Variants in NUF2 observed in about 807,000 individuals in gnomAD.
NUF2 encodes the protein NUF2 component of NDC80 kinetochore complex, also known as kinetochore protein Nuf2.
Under a neutral mutation model 61.8 loss-of-function variants are expected in NUF2, and 34 were observed. The ratio of observed to expected loss-of-function variants is 0.55; its 90% CI spans 0.42 to 0.73. The LOEUF is 0.73. NUF2 is among the 30% of genes least tolerant of loss of function. The pLI is 0.00. For missense variants in NUF2, 445 were observed against 539.1 expected, an observed-to-expected ratio of 0.83 and a Z score of 1.73; for synonymous variants, 172 against 181.6, an observed-to-expected ratio of 0.95 and a Z score of 0.42.
rs117211080 is a variant in NUF2 at position 163,328,029 on chromosome 1, A to C, written c.199-199A>C. ...AATGCTAACCTTATTCCATTTTTAAAATTCATTTAAAAATCTTTATTAAGC... is the reference window on the plus strand; with the variant it reads ...AATGCTAACCTTATTCCATTTTTAACATTCATTTAAAAATCTTTATTAAGC... On this transcript the variant is annotated intron_variant, in intron 3 of 13. Coordinates refer to ENST00000271452, the MANE Select transcript of NUF2 (RefSeq NM_145697.3). 8.4e-4 allele frequency: 364 copies of C among 434,440 alleles called. 1 individual carries two copies. The East Asian group carries it at 0.011, about 14-fold the overall frequency. The allele number at this position is 434,440 out of a possible 1,614,324, so 26.9% of individuals were successfully genotyped here.
Position 163,355,217 on chromosome 1 carries a change from A to G in NUF2, c.1261-118A>G, listed in dbSNP as rs1409115080. 14 of 745,202 alleles carry G rather than the reference A, an allele frequency of 1.9e-5. No individual in the cohort carries two copies. The South Asian group carries it at 2.5e-4, about 13-fold the overall frequency. 46.2% of individuals were successfully genotyped at this position (745,202 alleles called of 1,614,324 possible). A position where few individuals can be genotyped will look rare whatever the true frequency, so the allele number is the denominator to read the frequency against. On this transcript the variant is annotated intron_variant, in intron 13 of 13. Transcript: ENST00000271452. ...TAGACATGCACATTTGTGTGTGTGC[A>G]TAAGAATTTAGGCTTTAAAATATTA...
intron 10 of NUF2, among the ~76,000 whole-genome samples, chr1:163,344,760 T>TA (rs574540585): frequency 1.2e-3 from 179 of 151,804 alleles, no homozygotes; most frequent in African/African-American, 4.1e-3. Flanking sequence ...CAATTAAGAT[T>TA]ACCACACTAG....
Position 163,343,798 on chromosome 1 carries a change from G to A in NUF2, c.735G>A (p.Val245=). The change falls in exon 10 of 14, where the codon GTG becomes GTA. Residue 245 remains valine, a synonymous_variant. Transcript: ENST00000271452. ...EIQESLKTKI[V]DSPEKLKNYK... The stretch of plus-strand genomic sequence containing the variant: ...AAGAGAGTTTGAAAACAAAAATTGT[G>A]GATTCTCCAGAGAAGTTAAAGAATT... 6.9e-7 allele frequency: 1 copy of A among 1,439,620 alleles called. No homozygotes were observed. The highest frequency in any genetic ancestry group is 9.2e-7 in the Non-Finnish European group (1 of 1,083,026). 89.2% of individuals were successfully genotyped at this position (1,439,620 alleles called of 1,614,324 possible).
At position 163,322,591 on chromosome 1, in the gene NUF2, GT is replaced by G. The variant is rs1415728373; in HGVS notation, c.-21+383del. ...TGTTCCTTTTAAAAGTTCAAGGAAC[GT>G]TTTACTTAATTCATTGAAGTTGGGA... is the stretch of plus-strand genomic sequence containing the variant. On this transcript the variant is annotated intron_variant, in intron 1 of 13. Transcript: ENST00000271452. Among the ~76,000 whole-genome samples the G allele has an allele frequency of 2.0e-5, 3 of 152,160 alleles. No homozygotes were observed. The East Asian group carries it at 5.8e-4, about 29-fold the overall frequency.
chr1:163,348,352 T>G (rs1651203477), intron 12 of NUF2, among the ~76,000 whole-genome samples: 1 of 152,208 alleles, frequency 6.6e-6, no homozygotes, highest in Admixed American at 6.5e-5. Flanking sequence ...AATACTTTCC[T>G]AAGTATGTAA....
rs565292529 is a variant in NUF2 at position 163,338,222 on chromosome 1, G to A, written c.509+129G>A. 27 of 497,406 alleles carry A rather than the reference G, an allele frequency of 5.4e-5. 1 individual carries two copies. The South Asian group carries it at 9.7e-4, about 18-fold the overall frequency. The allele number at this position is 497,406 out of a possible 1,614,324, so 30.8% of individuals were successfully genotyped here. On this transcript the variant is annotated intron_variant, in intron 7 of 13. Coordinates refer to ENST00000271452, the MANE Select transcript of NUF2 (RefSeq NM_145697.3). ...TCCCTTAATAAATAGCAGAGTATTT[G>A]AGTTTGCCTTTTCTTAAAAAAAAAA...
In NUF2 at chr1:163,330,928, A is replaced by ATTT. The variant is rs34342302; in HGVS notation, c.337+2030_337+2032dup. Among the ~76,000 whole-genome samples the ATTT allele has an allele frequency of 3.9e-4, 58 of 146,838 alleles. No homozygotes were observed. The South Asian group carries it at 5.8e-3, about 15-fold the overall frequency. On this transcript the variant is annotated intron_variant, in intron 5 of 13. Coordinates refer to ENST00000271452, the MANE Select transcript of NUF2 (RefSeq NM_145697.3). ...CTAAAATCACTTATTATTTGAGTAG[A>ATTT]TTTTTTTTTTTGTAGATTCCTTAGG...
intron 1 of NUF2, among the ~76,000 whole-genome samples, chr1:163,323,647 A>T (rs898953973): frequency 1.3e-5 from 2 of 152,074 alleles, no homozygotes; most frequent in African/African-American, 4.8e-5. Flanking sequence ...TGAGCCTGGG[A>T]GGTCGAGGCT....
intron 10 of NUF2, among the ~76,000 whole-genome samples, chr1:163,345,403 T>C (rs1226076332): frequency 2.0e-5 from 3 of 152,196 alleles, no homozygotes; most frequent in Non-Finnish European, 4.4e-5. Flanking sequence ...TATTTTAATA[T>C]CATCATTATT....
rs754375572 is a variant in NUF2, at chr1:163,345,755, A to G, written c.885A>G (p.Leu295=). The change falls in exon 11 of 14, where the codon TTA becomes TTG. Residue 295 remains leucine, a synonymous_variant. Coordinates refer to ENST00000271452, the MANE Select transcript of NUF2 (RefSeq NM_145697.3). ...CLPSCQLEVQ[L]YQKKIQDLSD... is the part of the protein sequence containing the mutation. Reference sequence around the variant, plus strand: ...CTTCATGTCAGTTGGAAGTGCAGTTATATCAAAAGAAAATACAGGACCTTT... The same window carrying G: ...CTTCATGTCAGTTGGAAGTGCAGTTGTATCAAAAGAAAATACAGGACCTTT... The G allele has an allele frequency of 1.2e-6, 2 of 1,610,122 alleles. No individual in the cohort carries two copies. Among genetic ancestry groups the G allele is most frequent in the East Asian group, 4.5e-5 (2 of 44,794 alleles).
chr1:163,327,417 T>G (rs1650460211), intron 2 of NUF2, 71 bp from the exon 3 acceptor site: 1 of 782,156 alleles, frequency 1.3e-6, no homozygotes, highest in Non-Finnish European at 2.2e-6. Flanking sequence ...TATAATATTG[T>G]ATGGTAATGA....
chr1:163,324,231 T>G (rs959012164), intron 1 of NUF2, among the ~76,000 whole-genome samples: 6 of 151,824 alleles, frequency 4.0e-5, no homozygotes, highest in African/African-American at 1.5e-4. Flanking sequence ...TTGAAAATGG[T>G]GTCATGTAAA....
At chr1:163,349,124 T>C (rs761324629) in intron 13 of NUF2, 44 bp downstream of exon 13, 1 of 1,538,672 alleles carries the variant, frequency 6.5e-7, no homozygotes, top group East Asian at 2.3e-5. Flanking sequence ...TAATCTCTCA[T>C]GTATTTGAGT....
intron 5 of NUF2, among the ~76,000 whole-genome samples, chr1:163,333,184 CT>C (rs1650653257): frequency 6.6e-6 from 1 of 152,184 alleles, no homozygotes; most frequent in African/African-American, 2.4e-5. Flanking sequence ...GCTATATCCT[CT>C]TGATGACATA....
intron 12 of NUF2, 63 bp downstream of exon 12, chr1:163,348,001 C>A: frequency 1.8e-6 from 2 of 1,122,778 alleles, no homozygotes; most frequent in Non-Finnish European, 2.4e-6. Flanking sequence ...ATACATTTTT[C>A]CCCCAGGATT....
At chr1:163,338,180 C>A (rs548973587) in intron 7 of NUF2, 87 bp downstream of exon 7, 2 of 900,380 alleles carry the variant, frequency 2.2e-6, no homozygotes, top group African/African-American at 1.7e-5. Flanking sequence ...TATATTCCAC[C>A]TTAAGTCTCT....
chr1:163,331,657 G>A (rs546302624), intron 5 of NUF2, among the ~76,000 whole-genome samples: 1 of 152,068 alleles, frequency 6.6e-6, no homozygotes, highest in South Asian at 2.1e-4. Context: ...GATAAATTAA[G>A]AATTCAAAGT....
chr1:163,348,940 T>G lies in NUF2; in HGVS notation c.1125-5T>G. The G allele has an allele frequency of 6.2e-7, 1 of 1,600,630 alleles. No individual in the cohort carries two copies. The stretch of plus-strand genomic sequence containing the variant: ...TAAATATTAGCTGTCTCGATTTTCT[T>G]TCAGGGATTGCAATAAAGTTCAAGA... On this transcript the variant is annotated splice_region_variant and splice_polypyrimidine_tract_variant and intron_variant, in intron 12 of 13. Transcript: ENST00000271452.
chr1:163,334,436 T>G (rs1413903940), intron 5 of NUF2, among the ~76,000 whole-genome samples: 1 of 152,166 alleles, frequency 6.6e-6, no homozygotes, highest in Non-Finnish European at 1.5e-5. Context: ...TAACACTTAT[T>G]GTAGTGCTGT....
Sources: allele counts gnomAD v4.1 joint callset (sites outside exome capture counted in the v4.1 genomes callset), GRCh38; gene constraint gnomAD v4.1.1; transcripts MANE v1.5; gene names NCBI Gene and HGNC (gene_info 2026-07-23, HGNC 2026-07-21).